The following C12orf54 variants were observed in gnomAD, a reference collection of about 807,000 sequenced individuals.
C12orf54 encodes the protein chromosome 12 open reading frame 54.
C12orf54 carries 24 observed loss-of-function variants against 26.4 expected under a neutral mutation model. The observed-to-expected ratio is 0.91, with a 90% CI of 0.66 to 1.28. The LOEUF is 1.28. Ranked by LOEUF, C12orf54 falls within the 50% of genes most tolerant of loss-of-function variation. The pLI is 0.00. For missense variants in C12orf54, 154 were observed against 150.9 expected (o/e 1.02, Z -0.11); for synonymous variants, 54 against 47.0 (o/e 1.15, Z -0.61).
At chr12:48,472,326 G>A in the C12orf54 span, among the ~76,000 whole-genome samples, 1 of 152,250 alleles carries the variant, frequency 6.6e-6, no homozygotes, top group East Asian at 1.9e-4. Flanking sequence ...AGGAGGCTTT[G>A]ACAACAGTCC....
chr12:48,444,023 T>G, the C12orf54 span, among the ~76,000 whole-genome samples: 6 of 152,226 alleles, frequency 3.9e-5, no homozygotes, highest in African/African-American at 1.4e-4. Flanking sequence ...AAAAACTTTT[T>G]CAAATCCAGA....
chr12:48,421,685 A>G, the C12orf54 span, among the ~76,000 whole-genome samples: 1 of 151,668 alleles, frequency 6.6e-6, no homozygotes, highest in African/African-American at 2.4e-5. Context: ...GCACGCCACC[A>G]CACCTGGCTA....
chr12:48,489,031 C>A (rs895800246), intron 5 of C12orf54, 75 bp downstream of exon 5: 15 of 1,397,696 alleles, frequency 1.1e-5, no homozygotes, highest in Non-Finnish European at 1.5e-5. Flanking sequence ...TCTTACCCTA[C>A]TGAGATGTTG....
the C12orf54 span, among the ~76,000 whole-genome samples, chr12:48,417,761 T>C: frequency 6.6e-6 from 1 of 152,162 alleles, no homozygotes; most frequent in Non-Finnish European, 1.5e-5. Context: ...TAGTCCCCAG[T>C]GTCTATTATT....
At chr12:48,466,255 G>T in the C12orf54 span, among the ~76,000 whole-genome samples, 1 of 152,108 alleles carries the variant, frequency 6.6e-6, no homozygotes, top group Non-Finnish European at 1.5e-5. Flanking sequence ...AAAGATATAT[G>T]GCTTGGGACT....
At chr12:48,486,495 G>A (rs565332707) in intron 3 of C12orf54, 193 bp from the exon 4 acceptor site, 39 of 646,318 alleles carry the variant, frequency 6.0e-5, no homozygotes, top group Middle Eastern at 2.5e-4. Flanking sequence ...GATCCAGAGC[G>A]AAGCAGGATA....
chr12:48,475,112 C>T, the C12orf54 span, among the ~76,000 whole-genome samples: 2 of 152,206 alleles, frequency 1.3e-5, no homozygotes, highest in Admixed American at 6.5e-5. Context: ...TCTGCAGTCA[C>T]TGCTGCTGAA....
upstream of C12orf54, among the ~76,000 whole-genome samples, chr12:48,481,210 TAAA>T (rs66958027): frequency 1.6e-4 from 24 of 151,156 alleles, no homozygotes; most frequent in East Asian, 7.8e-4. Context: ...GTTTTTTTTT[TAAA>T]AAAAATGACT....
chr12:48,477,452 C>A, the C12orf54 span, among the ~76,000 whole-genome samples: 1 of 152,144 alleles, frequency 6.6e-6, no homozygotes, highest in Non-Finnish European at 1.5e-5. Context: ...ATTAATGAAT[C>A]CAGGAGCTGG....
At chr12:48,477,936 C>T (rs1954160574), upstream of C12orf54, among the ~76,000 whole-genome samples, 1 of 152,274 alleles carries the variant, frequency 6.6e-6, no homozygotes, top group Middle Eastern at 3.4e-3. Flanking sequence ...CTGGCAGAGA[C>T]ACAACCGAAA....
chr12:48,474,901 G>C, the C12orf54 span, among the ~76,000 whole-genome samples: 1 of 152,208 alleles, frequency 6.6e-6, no homozygotes, highest in Non-Finnish European at 1.5e-5. Flanking sequence ...AAAGAGTAGT[G>C]GTTCTCCCGG....
chr12:48,480,827 T>C (rs1016596924), upstream of C12orf54, among the ~76,000 whole-genome samples: 5 of 152,170 alleles, frequency 3.3e-5, no homozygotes, highest in African/African-American at 4.8e-5. Context: ...CAATCATGGA[T>C]GGGATAAAGT....
At chr12:48,471,712 T>C in the C12orf54 span, among the ~76,000 whole-genome samples, 1 of 152,218 alleles carries the variant, frequency 6.6e-6, no homozygotes. Context: ...GTGTCTGTTT[T>C]TGTGTCGATA....
chr12:48,457,131 G>A, the C12orf54 span, among the ~76,000 whole-genome samples: 1 of 152,026 alleles, frequency 6.6e-6, no homozygotes, highest in Non-Finnish European at 1.5e-5. Flanking sequence ...CACATCGTGG[G>A]TAATCCATAG....
intron 6 of C12orf54, among the ~76,000 whole-genome samples, chr12:48,491,189 G>A (rs951409675): frequency 1.1e-4 from 16 of 152,180 alleles, no homozygotes; most frequent in Non-Finnish European, 1.5e-4. Flanking sequence ...ATTTCCCACA[G>A]TTCTGGAGGC....
At chr12:48,467,925 C>T in the C12orf54 span, among the ~76,000 whole-genome samples, 3 of 152,048 alleles carry the variant, frequency 2.0e-5, no homozygotes, top group African/African-American at 7.3e-5. Context: ...CTGTAGGATG[C>T]CCTTGTATCC....
chr12:48,492,938 C>T lies in C12orf54; in HGVS notation c.194-9C>T. On this transcript the variant is annotated splice_polypyrimidine_tract_variant and intron_variant, in intron 6 of 8. Transcript: ENST00000548364. Reference sequence around the variant, plus strand: ...GTAACAGAATGACTCTTCTCTGTGTCCACTTTAGGGATGAGCAACTGCTCC... The same window carrying T: ...GTAACAGAATGACTCTTCTCTGTGTTCACTTTAGGGATGAGCAACTGCTCC... 1 of 1,613,500 alleles carries T rather than the reference C, an allele frequency of 6.2e-7. No individual in the cohort carries two copies. Among genetic ancestry groups the T allele is most frequent in the South Asian group, 1.1e-5 (1 of 91,062 alleles).
the C12orf54 span, among the ~76,000 whole-genome samples, chr12:48,421,541 T>TTTA: frequency 7.5e-6 from 1 of 132,666 alleles, no homozygotes; most frequent in Non-Finnish European, 1.6e-5. Flanking sequence ...TTTTTTTTTT[T>TTTA]AGATGGAGGA....
At chr12:48,418,848 A>G in the C12orf54 span, among the ~76,000 whole-genome samples, 1 of 152,118 alleles carries the variant, frequency 6.6e-6, no homozygotes, top group East Asian at 1.9e-4. Context: ...AATTTTATAA[A>G]GTAGAGCCCA....
Sources: allele counts gnomAD v4.1 joint callset (sites outside exome capture counted in the v4.1 genomes callset), GRCh38; gene constraint gnomAD v4.1.1; transcripts MANE v1.5; gene names NCBI Gene and HGNC (gene_info 2026-07-23, HGNC 2026-07-21).